The following RIPOR1 variants were observed in gnomAD, a reference collection of about 807,000 sequenced individuals.
The protein encoded by RIPOR1 is RHO family interacting cell polarization regulator 1.
RIPOR1 carries 58 observed loss-of-function variants against 116.5 expected under a neutral mutation model. The ratio of observed to expected loss-of-function variants is 0.50; its 90% CI spans 0.40 to 0.62. RIPOR1 has a LOEUF of 0.62. Among genes scored for constraint, RIPOR1 ranks in the 20% least tolerant of loss-of-function variants. RIPOR1 has a pLI of 0.00. For missense variants in RIPOR1, 1,372 were observed against 1,586.2 expected (o/e 0.86, Z 2.29); for synonymous variants, 605 against 650.0 (o/e 0.93, Z 1.05).
At position 67,541,073 on chromosome 16, in the gene RIPOR1, T is replaced by C. The variant is rs1463884561; in HGVS notation, c.802-357T>C. ...CCATGAGCATGCATGTGTCTGTCTA[T>C]CTATCTAGGAGTTGGCGGGTCTCAC... On this transcript the variant is annotated intron_variant, in intron 10 of 21. Coordinates refer to ENST00000042381, the MANE Select transcript of RIPOR1 (RefSeq NM_024519.4). This position sits in a 1 kb window ranked among gnomAD's most constrained non-coding sequence, Gnocchi z 4.6. Among the ~76,000 whole-genome samples, 1 of 151,904 alleles carries C rather than the reference T, an allele frequency of 6.6e-6. No homozygotes were observed. The highest frequency in any genetic ancestry group is 1.9e-4 in the East Asian group (1 of 5,152).
rs571231835 is a variant in RIPOR1, at chr16:67,522,152, C to A, written c.-24+3539C>A. Among the ~76,000 whole-genome samples, 3 of 149,462 alleles carry A rather than the reference C, an allele frequency of 2.0e-5. No individual in the cohort carries two copies. The East Asian group carries it at 5.8e-4, about 29-fold the overall frequency. On this transcript the variant is annotated intron_variant, in intron 1 of 1. Transcript: ENST00000562116. ...AAGCGATTCTTCTGCCTCAGCCTCCCGAGTAGCTGAGACTACAGGCGTGTG... is the reference window on the plus strand; with the variant it reads ...AAGCGATTCTTCTGCCTCAGCCTCCAGAGTAGCTGAGACTACAGGCGTGTG...
chr16:67,522,494 G>A (rs1234633887), intron 1 of RIPOR1, among the ~76,000 whole-genome samples: 2 of 151,520 alleles, frequency 1.3e-5, no homozygotes, highest in East Asian at 1.9e-4. Flanking sequence ...GAGCCACCGC[G>A]CCTGGCCAAT....
In RIPOR1 at chr16:67,541,041, C is replaced by T. The variant is rs561997532; in HGVS notation, c.801+337C>T. Reference sequence around the variant, plus strand: ...ATGCTCCCAGGCTGCTTCAAGCATCCATGGCTCCATGAGCATGCATGTGTC... The same window carrying T: ...ATGCTCCCAGGCTGCTTCAAGCATCTATGGCTCCATGAGCATGCATGTGTC... On this transcript the variant is annotated intron_variant, in intron 10 of 21. Coordinates refer to ENST00000042381, the MANE Select transcript of RIPOR1 (RefSeq NM_024519.4). The surrounding 1 kb of genome is among the most constrained non-coding windows in gnomAD (Gnocchi z 4.6). Among the ~76,000 whole-genome samples, 2 of 152,106 alleles carry T rather than the reference C, an allele frequency of 1.3e-5. No homozygotes were observed. Among genetic ancestry groups the T allele is most frequent in the African/African-American group, 4.8e-5 (2 of 41,498 alleles).
Position 67,539,682 on chromosome 16 carries a change from C to T in RIPOR1, c.337-46C>T, listed in dbSNP as rs374983804. 11 of 1,612,134 alleles carry T rather than the reference C, an allele frequency of 6.8e-6. No individual in the cohort carries two copies. The East Asian group carries it at 8.9e-5, about 13-fold the overall frequency. On this transcript the variant is annotated intron_variant, in intron 4 of 21. Coordinates refer to ENST00000042381, the MANE Select transcript of RIPOR1 (RefSeq NM_024519.4). ...GAGTCTGAGTGCCTCTGCTGGAGTC[C>T]TCCTCATCCCTCCTAAATATTTGCC...
In RIPOR1 at chr16:67,522,351, C is replaced by T. The variant is rs369308742; in HGVS notation, c.-24+3738C>T. 1.1e-3 allele frequency among the ~76,000 whole-genome samples: 172 copies of T among 151,918 alleles called. 1 individual carries two copies. The Middle Eastern group carries it at 0.041, about 36-fold the overall frequency. ...CCGAGTAGCTGGGATTACAGGCACA[C>T]ATCACCATGCCTGGCTTATTTTGTA... On this transcript the variant is annotated intron_variant, in intron 1 of 1. Transcript: ENST00000562116.
At chr16:67,525,656 G>A (rs1259958373), upstream of RIPOR1, among the ~76,000 whole-genome samples, 3 of 152,092 alleles carry the variant, frequency 2.0e-5, no homozygotes, top group Non-Finnish European at 4.4e-5. Flanking sequence ...CTGTCCCAGG[G>A]ATTTTTCTCA....
Position 67,541,730 on chromosome 16 carries a change from C to T in RIPOR1, c.1028C>T (p.Thr343Ile), listed in dbSNP as rs2050991849. ...KASTVTKRFS[T>I]YSQSPPDTPS... ...TCCACAGTCACCAAGCGCTTCTCCA[C>T]CTATAGCCAGAGCCCACCGGACACA... The change falls in exon 12 of 22, where the codon ACC (threonine) becomes ATC (isoleucine). Residue 343 changes from threonine to isoleucine, a missense_variant. Coordinates refer to ENST00000042381, the MANE Select transcript of RIPOR1 (RefSeq NM_024519.4). The surrounding 1 kb of genome is among the most constrained non-coding windows in gnomAD (Gnocchi z 4.6). 3 of 1,614,002 alleles carry T rather than the reference C, an allele frequency of 1.9e-6. No individual in the cohort carries two copies. The highest frequency in any genetic ancestry group is 1.3e-5 in the African/African-American group (1 of 74,900).
rs765367224 is a variant in RIPOR1 at position 67,541,649 on chromosome 16, C to A, written c.951-4C>A. The A allele has an allele frequency of 6.2e-7, 1 of 1,614,106 alleles. No individual in the cohort carries two copies. The highest frequency in any genetic ancestry group is 8.5e-7 in the Non-Finnish European group (1 of 1,179,978). ...CACCTGCCAACAGCCTCTTCCCTTCCCAGCCCCTTCGACAAGGATGACCAG... is the reference window on the plus strand; with the variant it reads ...CACCTGCCAACAGCCTCTTCCCTTCACAGCCCCTTCGACAAGGATGACCAG... On this transcript the variant is annotated splice_region_variant and splice_polypyrimidine_tract_variant and intron_variant, in intron 11 of 21. Coordinates refer to ENST00000042381, the MANE Select transcript of RIPOR1 (RefSeq NM_024519.4). This position sits in a 1 kb window ranked among gnomAD's most constrained non-coding sequence, Gnocchi z 4.6.
At chr16:67,528,070 T>C (rs919234515), upstream of RIPOR1, among the ~76,000 whole-genome samples, 3 of 151,354 alleles carry the variant, frequency 2.0e-5, no homozygotes, top group Admixed American at 6.6e-5. Flanking sequence ...GGGCCAGGGG[T>C]GTCTGATTGA....
chr16:67,538,358 TC>T (rs2050862805), intron 1 of RIPOR1, 65 bp from the exon 2 acceptor site: 1 of 1,509,288 alleles, frequency 6.6e-7, no homozygotes, highest in South Asian at 1.2e-5. Flanking sequence ...CAGCCCTGGA[TC>T]CCGCTGCGTG....
rs2050673185 is a variant in RIPOR1 at position 67,531,983 on chromosome 16, C to G, written c.-24+3069C>G. 6.6e-6 allele frequency among the ~76,000 whole-genome samples: 1 copy of G among 152,116 alleles called. No homozygotes were observed. Among genetic ancestry groups the G allele is most frequent in the Non-Finnish European group, 1.5e-5 (1 of 68,018 alleles). ...CTTGGCTCACTGCAAGCTCCACCTCCCGGGCTCATGCCATTCTCCCACCTC... is the reference window on the plus strand; with the variant it reads ...CTTGGCTCACTGCAAGCTCCACCTCGCGGGCTCATGCCATTCTCCCACCTC... On this transcript the variant is annotated intron_variant, in intron 1 of 21. Transcript: ENST00000042381. The surrounding 1 kb of genome is among the most constrained non-coding windows in gnomAD (Gnocchi z 4.2).
At chr16:67,521,872 T>C (rs1314817951) in intron 1 of RIPOR1, among the ~76,000 whole-genome samples, 2 of 152,208 alleles carry the variant, frequency 1.3e-5, no homozygotes, top group African/African-American at 4.8e-5. Flanking sequence ...ATTATTTGTA[T>C]GAATAAATAC....
intron 1 of RIPOR1, among the ~76,000 whole-genome samples, chr16:67,533,330 G>A (rs2050709958): frequency 6.6e-6 from 1 of 152,150 alleles, no homozygotes; most frequent in East Asian, 1.9e-4. Flanking sequence ...TGGCTTGGGT[G>A]GAGGAGAGAT....
At chr16:67,533,356 A>G (rs576341449) in intron 1 of RIPOR1, among the ~76,000 whole-genome samples, 141 of 152,262 alleles carry the variant, frequency 9.3e-4, no homozygotes, top group African/African-American at 3.2e-3. Flanking sequence ...AGCTGGCAAC[A>G]TTTAGATGGC....
intron 1 of RIPOR1, among the ~76,000 whole-genome samples, chr16:67,519,609 G>A (rs1371530257): frequency 6.6e-6 from 1 of 152,154 alleles, no homozygotes; most frequent in Non-Finnish European, 1.5e-5. Flanking sequence ...GAGGTCTGGG[G>A]AAAGATTACA....
rs759345539 is a variant in RIPOR1 at position 67,545,852 on chromosome 16, C to A, written c.3379C>A (p.Arg1127=). The A allele has an allele frequency of 5.6e-6, 9 of 1,606,864 alleles. 1 individual carries two copies. The South Asian group carries it at 1.0e-4, about 18-fold the overall frequency. ...GAGCCTGTCACTGGGCCCTACCTTC[C>A]GGGAGAGGGTGAGTTGGACAGGGCT... The part of the protein sequence containing the change: ...LRSLSLGPTF[R]ERALLCFLDQ... The change falls in exon 19 of 22, where the codon CGG becomes AGG. Residue 1127 remains arginine, a synonymous_variant. Coordinates refer to ENST00000042381, the MANE Select transcript of RIPOR1 (RefSeq NM_024519.4). This position sits in a 1 kb window ranked among gnomAD's most constrained non-coding sequence, Gnocchi z 4.8.
At chr16:67,522,990 A>T (rs552133030) in intron 1 of RIPOR1, among the ~76,000 whole-genome samples, 4 of 151,926 alleles carry the variant, frequency 2.6e-5, no homozygotes, top group Admixed American at 6.6e-5. Flanking sequence ...GCTTCTTCAC[A>T]GCTCTCCTCT....
At chr16:67,526,588 A>C (rs942886448), upstream of RIPOR1, among the ~76,000 whole-genome samples, 2 of 152,210 alleles carry the variant, frequency 1.3e-5, no homozygotes, top group Non-Finnish European at 2.9e-5. Flanking sequence ...TCATTCAACA[A>C]ATATTTCTTG....
At position 67,544,621 on chromosome 16, in the gene RIPOR1, G is replaced by T; in HGVS notation, c.2734-74G>T. The T allele has an allele frequency of 6.3e-7, 1 of 1,597,412 alleles. No homozygotes were observed. The highest frequency in any genetic ancestry group is 1.7e-5 in the Admixed American group (1 of 59,680). ...CCCCAACCTCCCCCAGTGCATGCTG[G>T]GACTTGTCCCTGAGCACGATCCTCC... On this transcript the variant is annotated intron_variant, in intron 15 of 21. Transcript: ENST00000042381. This position sits in a 1 kb window ranked among gnomAD's most constrained non-coding sequence, Gnocchi z 5.1.
Sources: gnomAD v4.1 joint callset for allele counts (sites outside exome capture counted in the v4.1 genomes callset) on GRCh38, gnomAD v4.1.1 for gene constraint, Gnocchi (gnomAD v3.1) non-coding constraint, MANE v1.5 for transcripts, NCBI Gene and HGNC (gene_info 2026-07-23, HGNC 2026-07-21) for gene names.